Variants in TJP1 observed in about 807,000 individuals in gnomAD.
The protein encoded by TJP1 is tight junction protein 1, also known as tight junction protein ZO-1.
TJP1 carries 43 observed loss-of-function variants against 194.2 expected under a neutral mutation model. That is an observed-to-expected ratio of 0.22 (90% CI 0.17 to 0.29). The LOEUF (loss-of-function observed/expected upper bound fraction) is 0.29, where lower values mean the gene tolerates loss of function less well. Ranked by LOEUF, TJP1 falls within the 10% of genes least tolerant of loss-of-function variation. The probability of loss-of-function intolerance (pLI) is 1.00; values close to 1 mark genes in which losing one functional copy is unlikely to be tolerated. For missense variants in TJP1, 1,971 were observed against 2,185.7 expected (o/e 0.90, Z 1.96); for synonymous variants, 801 against 779.0 (o/e 1.03, Z -0.47).
At chr15:29,792,557 T>C (rs1165306049) in intron 2 of TJP1, among the ~76,000 whole-genome samples, 1 of 152,232 alleles carries the variant, frequency 6.6e-6, no homozygotes, top group East Asian at 1.9e-4. Flanking sequence ...TTGCCCAGGA[T>C]TGCTTTGCCT....
Position 29,858,130 on chromosome 15 carries a change from G to A in TJP1, c.307-57428C>T, listed in dbSNP as rs143151378. Among the ~76,000 whole-genome samples, 1,082 of 152,310 alleles carry A rather than the reference G, an allele frequency of 7.1e-3. 7 individuals are homozygous for A. The highest frequency in any genetic ancestry group is 0.01 in the Non-Finnish European group (682 of 68,030). The stretch of plus-strand genomic sequence containing the variant: ...GGACTATGGAAACAGGCCAGCTGTG[G>A]TGTCTTACTCCCGTAATCTCAACAC... On this transcript the variant is annotated intron_variant, in intron 2 of 28. Coordinates refer to the TJP1 transcript ENST00000356107.
chr15:29,751,111 C>T (rs1342059881), intron 8 of TJP1, among the ~76,000 whole-genome samples: 3 of 152,224 alleles, frequency 2.0e-5, no homozygotes, highest in South Asian at 4.1e-4. Context: ...CCCTTCACAA[C>T]GATTAAAAAA....
chr15:29,772,909 C>A (rs2046784992), intron 3 of TJP1, among the ~76,000 whole-genome samples: 1 of 151,862 alleles, frequency 6.6e-6, no homozygotes, highest in Non-Finnish European at 1.5e-5. Context: ...GGACTGCAGG[C>A]ACAAGCCACC....
At chr15:29,967,769 T>G (rs1212101897) in intron 1 of TJP1, among the ~76,000 whole-genome samples, 2 of 152,250 alleles carry the variant, frequency 1.3e-5, no homozygotes, top group Non-Finnish European at 2.9e-5. Flanking sequence ...ATCTCCTTTC[T>G]CTACAACCTT....
chr15:29,837,972 A>G (rs2051092403), intron 2 of TJP1, among the ~76,000 whole-genome samples: 2 of 152,368 alleles, frequency 1.3e-5, no homozygotes. Context: ...CCTAGCAAGA[A>G]TAGGATTTTA....
At position 29,772,081 on chromosome 15, in the gene TJP1, C is replaced by T. The variant is rs1169101490; in HGVS notation, c.295G>A (p.Gly99Arg). Residue 99 changes from glycine (G) to arginine (R), a missense_variant, in exon 4 of 28, where the codon GGG (glycine) becomes AGG (arginine). Transcript: ENST00000614355. ...AFAVQQLRKS[G>R]KNAKITIRRK... ...ATACTTACAATTTTTGCATTTTTCC[C>T]ACTTTTCCTTAGTTGCTGAACAGCA... 1.9e-5 allele frequency: 30 copies of T among 1,596,274 alleles called. No homozygotes were observed. The highest frequency in any genetic ancestry group is 2.4e-5 in the Non-Finnish European group (28 of 1,173,374).
chr15:29,905,318 T>G (rs886663836), intron 2 of TJP1, among the ~76,000 whole-genome samples: 11 of 152,192 alleles, frequency 7.2e-5, no homozygotes, highest in Non-Finnish European at 1.5e-4. Context: ...TAGAAACATG[T>G]GCAAAGATTT....
Position 29,733,233 on chromosome 15 carries a change from A to G in TJP1, c.1597T>C (p.Tyr533His), listed in dbSNP as rs747219454. 8 of 1,614,060 alleles carry G rather than the reference A, an allele frequency of 5.0e-6. No individual in the cohort carries two copies. Among genetic ancestry groups the G allele is most frequent in the African/African-American group, 1.3e-5 (1 of 75,062 alleles). The change falls in exon 13 of 28, where the codon TAT (tyrosine) becomes CAT (histidine). Residue 533 changes from tyrosine (Y) to histidine (H), a missense_variant. This residue lies in a region of TJP1 where 402 missense variants were observed against 484.2 expected (regional missense o/e 0.83). Coordinates refer to ENST00000614355, the MANE Select transcript of TJP1 (RefSeq NM_001330239.4). Reference sequence around the variant, plus strand: ...TCTCCTTTGTTAAAACTAAGTCCATAGGGAGATTCCTTTTCATATTCAAAA... The same window carrying G: ...TCTCCTTTGTTAAAACTAAGTCCATGGGGAGATTCCTTTTCATATTCAAAA... ...THFEYEKESP[Y>H]GLSFNKGEVF...
chr15:29,722,771 C>T (rs952716325), intron 18 of TJP1, among the ~76,000 whole-genome samples: 10 of 152,198 alleles, frequency 6.6e-5, no homozygotes, highest in Admixed American at 2.0e-4. Flanking sequence ...AAAGGAGCTG[C>T]AGGGGCTGTG....
chr15:29,952,108 T>G (rs1484691081), intron 2 of TJP1, among the ~76,000 whole-genome samples: 1 of 152,226 alleles, frequency 6.6e-6, no homozygotes, highest in Non-Finnish European at 1.5e-5. Flanking sequence ...AGGTCACTTT[T>G]CTTTTTCATA....
intron 2 of TJP1, among the ~76,000 whole-genome samples, chr15:29,884,630 C>A (rs564825252): frequency 6.6e-6 from 1 of 152,300 alleles, no homozygotes; most frequent in African/African-American, 2.4e-5. Context: ...AGTTCTGCAA[C>A]GTACAGCAAT....
At chr15:29,950,105 ACCACCACCT>A (rs1278115492) in intron 2 of TJP1, among the ~76,000 whole-genome samples, 7 of 59,468 alleles carry the variant, frequency 1.2e-4, no homozygotes, top group Admixed American at 5.8e-4. Flanking sequence ...CACCTCCACC[ACCACCACCT>A]CCACAACCAC....
intron 8 of TJP1, chr15:29,760,182 G>A (rs1014393923): frequency 4.3e-6 from 3 of 701,860 alleles, no homozygotes; most frequent in East Asian, 5.4e-5. Context: ...CATGGGTCAG[G>A]TGGTGGCCTA....
intron 11 of TJP1, 38 bp from the exon 12 acceptor site, chr15:29,734,420 TA>T: frequency 6.8e-7 from 1 of 1,469,376 alleles, no homozygotes; most frequent in Non-Finnish European, 9.4e-7. Context: ...CTTGGCTGTT[TA>T]AGAATATGAA....
intron 18 of TJP1, among the ~76,000 whole-genome samples, chr15:29,725,451 G>A (rs1210264359): frequency 6.6e-6 from 1 of 151,872 alleles, no homozygotes; most frequent in East Asian, 1.9e-4. Context: ...GACCATGCGG[G>A]GGCAAAACAC....
rs2054674479 is a variant in TJP1 at position 29,930,571 on chromosome 15, G to C, written c.306+25661C>G. On this transcript the variant is annotated intron_variant, in intron 2 of 28. Transcript: ENST00000356107. ...ACCTGGCAAACCAAGACCAACAGAG[G>C]ATTTCTCTAACCTGATAAAGACTAC... 2.0e-5 allele frequency among the ~76,000 whole-genome samples: 3 copies of C among 148,246 alleles called. No homozygotes were observed. The Admixed American group carries it at 2.0e-4, about 10-fold the overall frequency.
chr15:29,923,578 T>G (rs966994675), intron 2 of TJP1, among the ~76,000 whole-genome samples: 7 of 152,196 alleles, frequency 4.6e-5, no homozygotes, highest in African/African-American at 1.7e-4. Context: ...TATTATATGA[T>G]TCTATTTACA....
At chr15:29,945,300 T>A (rs1377520347) in intron 2 of TJP1, among the ~76,000 whole-genome samples, 1 of 152,216 alleles carries the variant, frequency 6.6e-6, no homozygotes, top group Non-Finnish European at 1.5e-5. Flanking sequence ...GCTAGGAGAA[T>A]CTGGAAAAAG....
At chr15:29,961,061 A>G (rs2056137214) in intron 1 of TJP1, among the ~76,000 whole-genome samples, 1 of 152,164 alleles carries the variant, frequency 6.6e-6, no homozygotes, top group East Asian at 1.9e-4. Flanking sequence ...CACTCACAAG[A>G]ACACAGCTGC....
Sources: gnomAD v4.1 joint callset for allele counts (sites outside exome capture counted in the v4.1 genomes callset) on GRCh38, gnomAD v4.1.1 for gene constraint, gnomAD v4.1.1 regional missense constraint, MANE v1.5 for transcripts, NCBI Gene and HGNC (gene_info 2026-07-23, HGNC 2026-07-21) for gene names.